Variants in KCNS3 observed in about 807,000 individuals in gnomAD.
KCNS3 encodes the protein delayed-rectifier potassium channel regulatory subunit KCNS3.
Under a neutral mutation model 31.0 loss-of-function variants are expected in KCNS3, and 13 were observed. The ratio of observed to expected loss-of-function variants is 0.42; its 90% CI spans 0.27 to 0.67. The LOEUF (loss-of-function observed/expected upper bound fraction) is 0.67. Ranked by LOEUF, KCNS3 falls within the 30% of genes least tolerant of loss-of-function variation. The pLI is 0.25. For synonymous variants in KCNS3, 238 were observed against 241.5 expected, an observed-to-expected ratio of 0.99 and a Z score of 0.13; for missense variants, 545 against 622.4, an observed-to-expected ratio of 0.88 and a Z score of 1.32.
chr2:17,888,584 C>T (rs575547661), intron 1 of KCNS3, among the ~76,000 whole-genome samples: 17 of 138,520 alleles, frequency 1.2e-4, no homozygotes, highest in African/African-American at 3.0e-4. Flanking sequence ...CAAACCTGCA[C>T]GTTGTGCACA....
intron 2 of KCNS3, among the ~76,000 whole-genome samples, chr2:17,922,170 T>G (rs1233276757): frequency 6.6e-6 from 1 of 151,484 alleles, no homozygotes; most frequent in East Asian, 1.9e-4. Context: ...CTAGTTATTT[T>G]ATTATATTAG....
intron 1 of KCNS3, among the ~76,000 whole-genome samples, chr2:17,886,779 TCCACCCAC>T (rs1332403529): frequency 6.6e-6 from 1 of 151,058 alleles, no homozygotes; most frequent in African/African-American, 2.5e-5. Context: ...CATCCATCCA[TCCACCCAC>T]CCACCTACCC....
intron 1 of KCNS3, among the ~76,000 whole-genome samples, chr2:17,906,296 C>T (rs185839460): frequency 9.2e-5 from 14 of 152,250 alleles, no homozygotes; most frequent in African/African-American, 2.2e-4. Flanking sequence ...TCTGTGGGAT[C>T]GGTGGTGATA....
chr2:17,893,966 T>TTA lies in KCNS3; in HGVS notation c.-252+15160_-252+15161insTA, dbSNP rs1480265161. Among the ~76,000 whole-genome samples, 15 of 136,562 alleles carry TTA rather than the reference T, an allele frequency of 1.1e-4. 1 individual carries two copies. In the South Asian group the frequency reaches 2.2e-3, roughly 20 times the overall value. The allele number at this position is 136,562 out of a possible 152,430, so 89.6% of individuals were successfully genotyped here. On this transcript the variant is annotated intron_variant, in intron 1 of 2. Coordinates refer to ENST00000304101, the MANE Select transcript of KCNS3 (RefSeq NM_002252.5). ...TTTTTTTTTTTTTTTTTTTTTTTTTTAATATATCTATGTATGGGGGTTTGA... is the reference window on the plus strand; with the variant it reads ...TTTTTTTTTTTTTTTTTTTTTTTTTTTAAATATATCTATGTATGGGGGTTTGA...
At chr2:17,908,854 G>A (rs976426778) in intron 1 of KCNS3, among the ~76,000 whole-genome samples, 3 of 152,232 alleles carry the variant, frequency 2.0e-5, no homozygotes, top group African/African-American at 7.2e-5. Flanking sequence ...GCCGTGTGAA[G>A]TGTCAGTCTG....
At chr2:17,907,666 A>C (rs2125243681) in intron 1 of KCNS3, among the ~76,000 whole-genome samples, 1 of 152,174 alleles carries the variant, frequency 6.6e-6, no homozygotes, top group Non-Finnish European at 1.5e-5. Flanking sequence ...TGGTGACAAA[A>C]TCTCTCAGCA....
rs549240650 is a variant in KCNS3 at position 17,896,430 on chromosome 2, G to A, written c.-252+17624G>A. On this transcript the variant is annotated intron_variant, in intron 1 of 2. Transcript: ENST00000304101. ...GCATTACAAGTAGAAGCAAAATGATGTCACTGGCTTATGTACTGGTGTGAC... is the reference window on the plus strand; with the variant it reads ...GCATTACAAGTAGAAGCAAAATGATATCACTGGCTTATGTACTGGTGTGAC... Among the ~76,000 whole-genome samples the A allele has an allele frequency of 2.4e-4, 37 of 152,168 alleles. No individual in the cohort carries two copies. The South Asian group carries it at 7.3e-3, about 30-fold the overall frequency.
chr2:17,898,957 G>T (rs896843083), intron 1 of KCNS3, among the ~76,000 whole-genome samples: 5 of 152,180 alleles, frequency 3.3e-5, no homozygotes, highest in African/African-American at 9.7e-5. Flanking sequence ...ACTGGGTGCG[G>T]TGGCTGAGGC....
At chr2:17,905,095 TG>T (rs1188992347) in intron 1 of KCNS3, among the ~76,000 whole-genome samples, 1 of 152,264 alleles carries the variant, frequency 6.6e-6, no homozygotes, top group Non-Finnish European at 1.5e-5. Flanking sequence ...TCCATGAGCA[TG>T]GAATGTTCTT....
intron 1 of KCNS3, among the ~76,000 whole-genome samples, chr2:17,914,303 AC>A (rs1414940053): frequency 6.6e-6 from 1 of 152,212 alleles, no homozygotes; most frequent in African/African-American, 2.4e-5. Flanking sequence ...GTGTGTGGGA[AC>A]CCAGATCAGC....
At position 17,931,927 on chromosome 2, in the gene KCNS3, T is replaced by G. The variant is rs1311006585; in HGVS notation, c.919T>G (p.Ser307Ala). The change falls in exon 3 of 3, where the codon TCG (serine) becomes GCG (alanine). Residue 307 changes from serine (S) to alanine (A), a missense_variant. Physicochemically the swap from Ser to Ala is moderately conservative, Grantham distance 99. Transcript: ENST00000304101. This position sits in a 1 kb window ranked among gnomAD's most constrained non-coding sequence, Gnocchi z 5.4. ...IFRILKLARH[S>A]VGLRSLGATL... ...CCGAATTCTAAAGCTTGCCCGGCAC[T>G]CGGTAGGACTTCGGTCTCTAGGTGC... 1 of 1,613,968 alleles carries G rather than the reference T, an allele frequency of 6.2e-7. No homozygotes were observed. Among genetic ancestry groups the G allele is most frequent in the Non-Finnish European group, 8.5e-7 (1 of 1,180,006 alleles).
intron 1 of KCNS3, among the ~76,000 whole-genome samples, chr2:17,906,837 T>A (rs1662330051): frequency 6.6e-6 from 1 of 152,226 alleles, no homozygotes; most frequent in African/African-American, 2.4e-5. Context: ...TTTGTTATAA[T>A]TTCTGTTCTC....
intron 1 of KCNS3, among the ~76,000 whole-genome samples, chr2:17,882,358 C>G (rs1674662852): frequency 6.6e-6 from 1 of 152,166 alleles, no homozygotes. Context: ...GAGTTATAAG[C>G]TATAGGTGGG....
intron 1 of KCNS3, among the ~76,000 whole-genome samples, chr2:17,886,834 A>G (rs1467005344): frequency 1.3e-5 from 2 of 150,744 alleles, no homozygotes; most frequent in Admixed American, 6.6e-5. Flanking sequence ...CAGGGTCCCC[A>G]TGCCCTCTCA....
intron 1 of KCNS3, among the ~76,000 whole-genome samples, chr2:17,888,153 TC>T (rs1661737007): frequency 6.6e-6 from 1 of 152,212 alleles, no homozygotes; most frequent in Non-Finnish European, 1.5e-5. Flanking sequence ...TGCTGACTGT[TC>T]CTTTTGCCAT....
At chr2:17,907,551 G>A (rs961410616) in intron 1 of KCNS3, among the ~76,000 whole-genome samples, 1 of 152,202 alleles carries the variant, frequency 6.6e-6, no homozygotes, top group Non-Finnish European at 1.5e-5. Context: ...TTTATTCCTA[G>A]CATCGATGAT....
intron 1 of KCNS3, among the ~76,000 whole-genome samples, chr2:17,888,638 T>C (rs77067500): frequency 9.8e-5 from 7 of 71,672 alleles, no homozygotes; most frequent in Non-Finnish European, 1.9e-4. Context: ...TGTATATATA[T>C]ATATATATAT....
intron 1 of KCNS3, among the ~76,000 whole-genome samples, chr2:17,884,268 A>AATATATATATATATATATATAT (rs1227638443): frequency 6.4e-5 from 3 of 46,658 alleles, no homozygotes; most frequent in Admixed American, 2.9e-4. Flanking sequence ...AAAAAAAAAA[A>AATATATATATATATATATATAT]ATATATATAT....
chr2:17,884,234 A>T (rs1359923358), intron 1 of KCNS3, among the ~76,000 whole-genome samples: 1 of 138,180 alleles, frequency 7.2e-6, no homozygotes, highest in Non-Finnish European at 1.5e-5. Flanking sequence ...GTGCACATGT[A>T]CCCTAGAACT....
Sources: allele counts gnomAD v4.1 joint callset (sites outside exome capture counted in the v4.1 genomes callset), GRCh38; gene constraint gnomAD v4.1.1; non-coding constraint Gnocchi (gnomAD v3.1); transcripts MANE v1.5; gene names NCBI Gene and HGNC (gene_info 2026-07-23, HGNC 2026-07-21).